Variants in BRINP3 observed in about 807,000 individuals in gnomAD.
The protein encoded by BRINP3 is BMP/retinoic acid inducible neural specific 3.
A neutral mutation model predicts 71.0 loss-of-function variants in BRINP3; 19 were observed. That is an observed-to-expected ratio of 0.27 (90% CI 0.19 to 0.39). BRINP3 has a LOEUF of 0.39. Among genes scored for constraint, BRINP3 ranks in the 10% least tolerant of loss-of-function variants. The pLI, the probability that BRINP3 is intolerant of heterozygous loss-of-function variation, is 1.00. For missense variants in BRINP3, 959 were observed against 940.8 expected (o/e 1.02, Z -0.25); for synonymous variants, 380 against 337.7 (o/e 1.13, Z -1.37).
chr1:190,342,831 T>C (rs1379051802), intron 2 of BRINP3: 2 of 151,824 alleles, frequency 1.3e-5, no homozygotes, highest in African/African-American at 4.8e-5. Flanking sequence ...TAAATATAGA[T>C]GTTTAAACAT....
chr1:190,181,188 A>G (rs1446836895), intron 6 of BRINP3, among the ~76,000 whole-genome samples: 1 of 152,088 alleles, frequency 6.6e-6, no homozygotes, highest in Admixed American at 6.6e-5. Context: ...TTTTTTCTTT[A>G]CTTATCATAA....
chr1:190,198,108 C>G (rs773566485), intron 6 of BRINP3, among the ~76,000 whole-genome samples: 5 of 152,064 alleles, frequency 3.3e-5, no homozygotes, highest in Non-Finnish European at 7.4e-5. Context: ...AGGGTGCAAA[C>G]AGTCTGAGCT....
intron 2 of BRINP3, among the ~76,000 whole-genome samples, chr1:190,355,647 A>C (rs1668679740): frequency 6.6e-6 from 1 of 151,920 alleles, no homozygotes; most frequent in Non-Finnish European, 1.5e-5. Flanking sequence ...TAGAACTAAA[A>C]TTAAGAAAAA....
intron 2 of BRINP3, among the ~76,000 whole-genome samples, chr1:190,284,952 A>T (rs998145264): frequency 2.0e-5 from 3 of 152,138 alleles, no homozygotes; most frequent in African/African-American, 7.2e-5. Flanking sequence ...CATTGTGTAT[A>T]TCCAAAAGAA....
At chr1:190,189,350 G>T (rs1284763579) in intron 6 of BRINP3, among the ~76,000 whole-genome samples, 2 of 151,912 alleles carry the variant, frequency 1.3e-5, no homozygotes, top group Admixed American at 1.3e-4. Context: ...TTTTCTATTT[G>T]TTCATTATTC....
At chr1:190,313,113 T>C (rs952045277) in intron 2 of BRINP3, among the ~76,000 whole-genome samples, 1 of 151,660 alleles carries the variant, frequency 6.6e-6, no homozygotes, top group Non-Finnish European at 1.5e-5. Context: ...TGAAAAAAAA[T>C]AAGTAAAATT....
Position 190,130,420 on chromosome 1 carries a change from C to T in BRINP3, c.1184+30248G>A, listed in dbSNP as rs112068045. ...AGATTTCATATCTTTAAAACTTTTT[C>T]GCTGATTTCATTAACCTTAAGCATT... On this transcript the variant is annotated intron_variant, in intron 7 of 7. Coordinates refer to ENST00000367462, the MANE Select transcript of BRINP3 (RefSeq NM_199051.3). 9.5e-3 allele frequency among the ~76,000 whole-genome samples: 1,445 copies of T among 152,032 alleles called. 13 individuals carry two copies. Among genetic ancestry groups the T allele is most frequent in the Middle Eastern group, 0.017 (5 of 294 alleles).
intron 6 of BRINP3, among the ~76,000 whole-genome samples, chr1:190,225,566 T>C (rs113377989): frequency 2.1e-4 from 32 of 152,104 alleles, no homozygotes; most frequent in Middle Eastern, 3.4e-3. Context: ...GCAAAGATAG[T>C]AAATTTTATA....
chr1:190,456,864 A>G (rs572054032), intron 1 of BRINP3, among the ~76,000 whole-genome samples: 1 of 152,180 alleles, frequency 6.6e-6, no homozygotes, highest in African/African-American at 2.4e-5. Flanking sequence ...TATTACATAT[A>G]TCATCTGAAA....
At chr1:190,403,847 T>G (rs1253285677) in intron 2 of BRINP3, among the ~76,000 whole-genome samples, 1 of 152,208 alleles carries the variant, frequency 6.6e-6, no homozygotes, top group African/African-American at 2.4e-5. Context: ...TTTTCATTCC[T>G]TCAAACAATT....
chr1:190,347,735 G>A (rs1668118843), intron 2 of BRINP3, among the ~76,000 whole-genome samples: 1 of 151,990 alleles, frequency 6.6e-6, no homozygotes, highest in Admixed American at 6.6e-5. Flanking sequence ...TAAACATAAG[G>A]ATCATTGAAG....
At chr1:190,311,487 C>A (rs1271594726) in intron 2 of BRINP3, among the ~76,000 whole-genome samples, 3 of 150,072 alleles carry the variant, frequency 2.0e-5, no homozygotes, top group Non-Finnish European at 4.5e-5. Flanking sequence ...ACGTTAGTAG[C>A]CAAAAAAAAG....
intron 6 of BRINP3, among the ~76,000 whole-genome samples, chr1:190,195,318 G>A (rs560829804): frequency 2.0e-5 from 3 of 151,776 alleles, no homozygotes; most frequent in South Asian, 2.1e-4. Flanking sequence ...AAATAAGACC[G>A]ATTTTTATAA....
At chr1:190,183,919 G>T (rs1653269073) in intron 6 of BRINP3, among the ~76,000 whole-genome samples, 1 of 152,134 alleles carries the variant, frequency 6.6e-6, no homozygotes, top group Admixed American at 6.6e-5. Flanking sequence ...TTTGGCAGGA[G>T]CAGGACAATT....
At chr1:190,405,583 G>C (rs1194048829) in intron 2 of BRINP3, among the ~76,000 whole-genome samples, 1 of 150,522 alleles carries the variant, frequency 6.6e-6, no homozygotes, top group Non-Finnish European at 1.5e-5. Context: ...ACAGAGAATG[G>C]AGCTTGGAGG....
intron 6 of BRINP3, among the ~76,000 whole-genome samples, chr1:190,200,717 A>G (rs1654926477): frequency 1.3e-5 from 2 of 152,048 alleles, no homozygotes; most frequent in African/African-American, 2.4e-5. Flanking sequence ...ATCATGGGGC[A>G]GATCTTTCCC....
chr1:190,222,041 G>A (rs1349999078), intron 6 of BRINP3, among the ~76,000 whole-genome samples: 2 of 151,894 alleles, frequency 1.3e-5, no homozygotes, highest in African/African-American at 2.4e-5. Flanking sequence ...AAAGAGCACA[G>A]TTAAACTACG....
intron 4 of BRINP3, among the ~76,000 whole-genome samples, chr1:190,253,906 C>T (rs2102826909): frequency 6.6e-6 from 1 of 152,292 alleles, no homozygotes; most frequent in East Asian, 1.9e-4. Context: ...TTAGGTCTAA[C>T]ATTTAAGTCT....
At position 190,339,022 on chromosome 1, in the gene BRINP3, A is replaced by G. The variant is rs1238004429; in HGVS notation, c.237-57272T>C. Among the ~76,000 whole-genome samples the G allele has an allele frequency of 2.7e-5, 4 of 149,006 alleles. No individual in the cohort carries two copies. The East Asian group carries it at 7.9e-4, about 29-fold the overall frequency. On this transcript the variant is annotated intron_variant, in intron 2 of 7. Coordinates refer to ENST00000367462, the MANE Select transcript of BRINP3 (RefSeq NM_199051.3). ...GCAAATGCAAAATAAATAAATAAAT[A>G]AATAAATAAATAAATAAATAAATAA... is the stretch of plus-strand genomic sequence containing the variant.
Sources: allele counts gnomAD v4.1 joint callset (sites outside exome capture counted in the v4.1 genomes callset), GRCh38; gene constraint gnomAD v4.1.1; transcripts MANE v1.5; gene names NCBI Gene and HGNC (gene_info 2026-07-23, HGNC 2026-07-21).